Variants in SERAC1 observed in about 807,000 individuals in gnomAD.
The protein encoded by SERAC1 is serine active site containing 1, also known as protein SERAC1.
In SERAC1, 36 loss-of-function variants were observed where a neutral mutation model predicts 85.7. The observed-to-expected ratio is 0.42, with a 90% CI of 0.32 to 0.55. SERAC1 has a LOEUF of 0.55. Ranked by LOEUF, SERAC1 falls within the 20% of genes least tolerant of loss-of-function variation. The pLI is 0.11. For missense variants in SERAC1, 629 were observed against 796.2 expected (o/e 0.79, Z 2.53); for synonymous variants, 242 against 265.3 (o/e 0.91, Z 0.85).
At chr6:158,113,181 G>T (rs1784188221) in intron 16 of SERAC1, 1 of 416,420 alleles carries the variant, frequency 2.4e-6, no homozygotes, top group Admixed American at 4.1e-5. Flanking sequence ...TACTGCAAAA[G>T]AGTTCACTGT....
chr6:158,128,784 T>G (rs1298789609), intron 9 of SERAC1, among the ~76,000 whole-genome samples: 1 of 152,036 alleles, frequency 6.6e-6, no homozygotes. Flanking sequence ...GCCTCAAACT[T>G]AGAAGTTGGA....
At position 158,113,374 on chromosome 6, in the gene SERAC1, AAAATT is replaced by A. The variant is rs1191500760; in HGVS notation, c.1828+70_1828+74del. 1.1e-5 allele frequency: 13 copies of A among 1,232,184 alleles called. No homozygotes were observed. In the African/African-American group the frequency reaches 1.5e-4, roughly 14 times the overall value. The allele number at this position is 1,232,184 out of a possible 1,614,324, so 76.3% of individuals were successfully genotyped here. On this transcript the variant is annotated intron_variant, in intron 16 of 16. Coordinates refer to ENST00000647468, the MANE Select transcript of SERAC1 (RefSeq NM_032861.4). ...TCTTAAAACTGAGAACCTGGATATAAAAATTGCTGTTTACAAGTAAATGCTAGGTA... is the reference window on the plus strand; with the variant it reads ...TCTTAAAACTGAGAACCTGGATATAAGCTGTTTACAAGTAAATGCTAGGTA...
intron 8 of SERAC1, among the ~76,000 whole-genome samples, chr6:158,136,479 TGAG>T (rs1410434735): frequency 4.6e-5 from 7 of 151,958 alleles, no homozygotes; most frequent in Non-Finnish European, 1.0e-4. Context: ...CCTCTGTACG[TGAG>T]GAGTTTTGTT....
At chr6:158,132,014 A>T (rs1183285430) in intron 8 of SERAC1, among the ~76,000 whole-genome samples, 1 of 151,742 alleles carries the variant, frequency 6.6e-6, no homozygotes, top group Admixed American at 6.6e-5. Context: ...AGAGAGAGAG[A>T]GTGTGTGTGT....
chr6:158,124,078 G>A (rs761107574), intron 10 of SERAC1, among the ~76,000 whole-genome samples: 5 of 152,190 alleles, frequency 3.3e-5, no homozygotes, highest in Non-Finnish European at 5.9e-5. Flanking sequence ...AGGCCAAGGT[G>A]GTGAGTGGGC....
intron 1 of SERAC1, chr6:158,161,418 A>C (rs1785485158): frequency 6.6e-6 from 1 of 151,668 alleles, no homozygotes; most frequent in Admixed American, 6.6e-5. Context: ...CTGGGTTTGG[A>C]ATTCTGGGTT....
rs568419613 is a variant in SERAC1 at position 158,157,075 on chromosome 6, C to G, written c.91+1198G>C. On this transcript the variant is annotated intron_variant, in intron 2 of 16. Transcript: ENST00000647468. ...GCAATGACACAATCTCAGCTCACTG[C>G]AATCTCCACCTCCTGGGTTGAAGCG... Among the ~76,000 whole-genome samples the G allele has an allele frequency of 1.1e-3, 165 of 150,846 alleles. 1 individual carries two copies. The highest frequency in any genetic ancestry group is 2.3e-3 in the Admixed American group (34 of 15,002).
chr6:158,148,756 A>T (rs918855837), intron 5 of SERAC1, 109 bp downstream of exon 5: 2 of 789,104 alleles, frequency 2.5e-6, no homozygotes, highest in Admixed American at 3.1e-5. Context: ...TTAATTTTCC[A>T]TAGCTATAAA....
chr6:158,146,746 C>A, intron 6 of SERAC1, 36 bp downstream of exon 6: 1 of 1,610,194 alleles, frequency 6.2e-7, no homozygotes, highest in Non-Finnish European at 8.5e-7. Context: ...CAAGAGCCAG[C>A]TGAAGGCATG....
At chr6:158,132,559 A>T (rs1784702645) in intron 8 of SERAC1, among the ~76,000 whole-genome samples, 1 of 152,166 alleles carries the variant, frequency 6.6e-6, no homozygotes, top group African/African-American at 2.4e-5. Context: ...GTACCCTTGA[A>T]TTATCTATCT....
rs532892520 is a variant in SERAC1, at chr6:158,166,534, C to T, written c.-2+1606G>A. The stretch of plus-strand genomic sequence containing the variant: ...GTTCAGCATGGCAAATTCCATAAAA[C>T]AATATGGTGATTTTAATTGGCATTA... On this transcript the variant is annotated intron_variant, in intron 1 of 16. Transcript: ENST00000647468. Among the ~76,000 whole-genome samples the T allele has an allele frequency of 2.4e-4, 37 of 152,232 alleles. 1 individual carries two copies. The South Asian group carries it at 7.5e-3, about 31-fold the overall frequency.
intron 15 of SERAC1, chr6:158,114,551 T>TAAGTA (rs1784229421): frequency 8.3e-7 from 1 of 1,200,922 alleles, no homozygotes. Flanking sequence ...TTTCTAATTT[T>TAAGTA]AAGTATTTAA....
rs193157914 is a variant in SERAC1 at position 158,149,068 on chromosome 6, C to A, written c.266-114G>T. On this transcript the variant is annotated intron_variant, in intron 4 of 16. Coordinates refer to ENST00000647468, the MANE Select transcript of SERAC1 (RefSeq NM_032861.4). ...GCAGTGGCACAATCTCGGCTCACTG[C>A]AAGCTCTGCCTCCCGGGTTCACCCC... 4.0e-4 allele frequency: 265 copies of A among 667,286 alleles called. 2 individuals are homozygous for A. The highest frequency in any genetic ancestry group is 1.3e-3 in the Middle Eastern group (3 of 2,316). The allele number at this position is 667,286 out of a possible 1,614,324, so 41.3% of individuals were successfully genotyped here. A position where few individuals can be genotyped will look rare whatever the true frequency, so the allele number is the denominator to read the frequency against.
intron 6 of SERAC1, 85 bp from the exon 7 acceptor site, chr6:158,144,505 A>C (rs1265259208): frequency 1.3e-5 from 17 of 1,342,626 alleles, no homozygotes; most frequent in Non-Finnish European, 1.6e-5. Flanking sequence ...ACTTGAAAGC[A>C]CTCTAATTTT....
intron 9 of SERAC1, 23 bp from the exon 10 acceptor site, chr6:158,128,293 G>A: frequency 3.7e-6 from 6 of 1,611,850 alleles, no homozygotes; most frequent in Non-Finnish European, 5.1e-6. Flanking sequence ...ATAAACAGAA[G>A]CTCCCTTGAC....
rs535724605 is a variant in SERAC1, at chr6:158,116,393, C to T, written c.1404-111G>A. The T allele has an allele frequency of 9.2e-4, 681 of 741,520 alleles. 6 individuals are homozygous for T. The highest frequency in any genetic ancestry group is 1.0e-3 in the African/African-American group (59 of 57,322). The allele number at this position is 741,520 out of a possible 1,614,324, so 45.9% of individuals were successfully genotyped here. A position where few individuals can be genotyped will look rare whatever the true frequency, so the allele number is the denominator to read the frequency against. ...TCTACAGGACCAATGCTACATACTA[C>T]ATTTAGAGTAAGAAATACCCCCATT... On this transcript the variant is annotated intron_variant, in intron 13 of 16. Transcript: ENST00000647468.
At chr6:158,131,498 A>G (rs1351134725) in intron 8 of SERAC1, among the ~76,000 whole-genome samples, 2 of 148,132 alleles carry the variant, frequency 1.4e-5, no homozygotes, top group Non-Finnish European at 3.0e-5. Flanking sequence ...TATTTTTTGT[A>G]TATTTATTTT....
At chr6:158,163,929 G>T (rs932325091) in intron 1 of SERAC1, among the ~76,000 whole-genome samples, 1 of 151,730 alleles carries the variant, frequency 6.6e-6, no homozygotes, top group Non-Finnish European at 1.5e-5. Flanking sequence ...TAGAGACAGG[G>T]TTTCACCATC....
intron 2 of SERAC1, among the ~76,000 whole-genome samples, chr6:158,156,769 A>T (rs1274210396): frequency 7.2e-6 from 1 of 139,508 alleles, no homozygotes; most frequent in Non-Finnish European, 1.5e-5. Context: ...AATATATTTT[A>T]TATATAATAA....
Sources: gnomAD v4.1 joint callset for allele counts (sites outside exome capture counted in the v4.1 genomes callset) on GRCh38, gnomAD v4.1.1 for gene constraint, MANE v1.5 for transcripts, NCBI Gene and HGNC (gene_info 2026-07-23, HGNC 2026-07-21) for gene names.